BNC2: variants seen among roughly 807,000 people sequenced by gnomAD.
The protein encoded by BNC2 is basonuclin zinc finger protein 2.
Under a neutral mutation model 76.3 loss-of-function variants are expected in BNC2, and 20 were observed. The observed-to-expected ratio is 0.26, with a 90% CI of 0.18 to 0.38. The LOEUF is 0.38. Among genes scored for constraint, BNC2 ranks in the 10% least tolerant of loss-of-function variants. The pLI, the probability that BNC2 is intolerant of heterozygous loss-of-function variation, is 1.00. For synonymous variants in BNC2, 582 were observed against 514.8 expected (o/e 1.13, Z -1.77); for missense variants, 1,382 against 1,399.8 (o/e 0.99, Z 0.20).
intron 3 of BNC2, among the ~76,000 whole-genome samples, chr9:16,648,555 C>A (rs1231522317): frequency 6.6e-6 from 1 of 152,208 alleles, no homozygotes; most frequent in African/African-American, 2.4e-5. Flanking sequence ...AAGACAAACA[C>A]TATTCACTGT....
chr9:16,422,984 G>C (rs1330534838), intron 6 of BNC2, among the ~76,000 whole-genome samples: 1 of 152,150 alleles, frequency 6.6e-6, no homozygotes, highest in Non-Finnish European at 1.5e-5. Context: ...AGTTGGGAGA[G>C]ACACAGAAAG....
intron 6 of BNC2, among the ~76,000 whole-genome samples, chr9:16,432,487 A>G (rs563255250): frequency 7.2e-5 from 11 of 152,320 alleles, no homozygotes; most frequent in African/African-American, 2.4e-4. Flanking sequence ...CTCATGTATA[A>G]CCACTTTGGG....
chr9:16,792,352 A>C (rs10119731), intron 1 of BNC2, among the ~76,000 whole-genome samples: 17,787 of 152,206 alleles, frequency 0.12, 1,281 homozygotes, highest in Admixed American at 0.23. Context: ...TCCGTAAGTG[A>C]AGTTCTTCAA....
At chr9:16,448,898 CAT>C (rs530032589) in intron 5 of BNC2, among the ~76,000 whole-genome samples, 20 of 152,160 alleles carry the variant, frequency 1.3e-4, no homozygotes, top group Non-Finnish European at 2.4e-4. Flanking sequence ...CACACATACA[CAT>C]GTGTGTATAA....
intron 3 of BNC2, among the ~76,000 whole-genome samples, chr9:16,664,314 G>A (rs1057446623): frequency 1.3e-5 from 2 of 152,180 alleles, no homozygotes; most frequent in Non-Finnish European, 1.5e-5. Flanking sequence ...TCAGAGGCAT[G>A]CTAAATCTTC....
At chr9:16,819,016 A>T (rs1304390122) in intron 1 of BNC2, among the ~76,000 whole-genome samples, 2 of 152,208 alleles carry the variant, frequency 1.3e-5, no homozygotes, top group Non-Finnish European at 2.9e-5. Flanking sequence ...CCCCATCAGA[A>T]AATCAAACAA....
intron 2 of BNC2, among the ~76,000 whole-genome samples, chr9:16,729,734 T>A (rs928183960): frequency 1.3e-5 from 2 of 152,208 alleles, no homozygotes; most frequent in East Asian, 3.9e-4. Flanking sequence ...TTGTCAACAG[T>A]GACTGTACCT....
intron 1 of BNC2, among the ~76,000 whole-genome samples, chr9:16,771,373 G>A (rs937884822): frequency 6.6e-6 from 1 of 152,198 alleles, no homozygotes; most frequent in African/African-American, 2.4e-5. Flanking sequence ...AACAGATTGT[G>A]TAGGACAATG....
In BNC2 at chr9:16,412,778, T is replaced by C. The variant is rs1369254649; in HGVS notation, c.*6211A>G. On this transcript the variant is annotated 3_prime_UTR_variant, in exon 7 of 7. Coordinates refer to ENST00000380672, the MANE Select transcript of BNC2 (RefSeq NM_017637.6). ...GAGAGAGAGAGAGACTGACTGATTG[T>C]GGATGTGTGTGTACATCAGGGAACT... 1 of 143,452 alleles carries C rather than the reference T, an allele frequency of 7.0e-6. No homozygotes were observed. Among genetic ancestry groups the C allele is most frequent in the Non-Finnish European group, 1.6e-5 (1 of 63,046 alleles). The allele number at this position is 143,452 out of a possible 1,614,324, so 8.9% of individuals were successfully genotyped here.
chr9:16,552,076 A>C (rs1428842560), intron 5 of BNC2, among the ~76,000 whole-genome samples: 1 of 152,186 alleles, frequency 6.6e-6, no homozygotes, highest in African/African-American at 2.4e-5. Context: ...AATAAATAGT[A>C]AAATGTGTAC....
At chr9:16,700,712 C>T (rs750860678) in intron 3 of BNC2, among the ~76,000 whole-genome samples, 1 of 152,096 alleles carries the variant, frequency 6.6e-6, no homozygotes, top group East Asian at 1.9e-4. Context: ...GTAATCCCAG[C>T]CCTTTGGGAG....
chr9:16,858,284 C>T (rs1012918886), intron 1 of BNC2, among the ~76,000 whole-genome samples: 1 of 152,140 alleles, frequency 6.6e-6, no homozygotes, highest in Non-Finnish European at 1.5e-5. Flanking sequence ...TACGGAACAC[C>T]TAGAATGCTT....
intron 5 of BNC2, among the ~76,000 whole-genome samples, chr9:16,442,796 C>T (rs115929598): frequency 0.011 from 1,631 of 152,140 alleles, 27 homozygotes; most frequent in African/African-American, 0.037. Context: ...CCTATGTGCT[C>T]CAGTAGTCAA....
intron 1 of BNC2, among the ~76,000 whole-genome samples, chr9:16,861,340 C>T (rs1819406199): frequency 1.3e-5 from 2 of 151,688 alleles, no homozygotes; most frequent in Admixed American, 6.6e-5. Context: ...CACAACAGAA[C>T]TAGAAAGACC....
chr9:16,565,931 C>A (rs891252615), intron 4 of BNC2, among the ~76,000 whole-genome samples: 1 of 149,250 alleles, frequency 6.7e-6, no homozygotes, highest in African/African-American at 2.6e-5. Context: ...AAAGCCAATT[C>A]GGCCAGGACA....
chr9:16,826,510 C>T (rs1818457061), intron 1 of BNC2, among the ~76,000 whole-genome samples: 1 of 152,056 alleles, frequency 6.6e-6, no homozygotes, highest in Admixed American at 6.6e-5. Flanking sequence ...ACTCTTGCTG[C>T]TTGATTAAAT....
chr9:16,446,422 A>G (rs1418944628), intron 5 of BNC2, among the ~76,000 whole-genome samples: 1 of 152,136 alleles, frequency 6.6e-6, no homozygotes, highest in African/African-American at 2.4e-5. Context: ...ACTTTGAAGT[A>G]GTGGCTTTGA....
intron 5 of BNC2, among the ~76,000 whole-genome samples, chr9:16,444,978 A>G (rs960500770): frequency 6.6e-6 from 1 of 152,130 alleles, no homozygotes; most frequent in African/African-American, 2.4e-5. Context: ...TCTCTAATTT[A>G]TAAGACTTGG....
intron 1 of BNC2, among the ~76,000 whole-genome samples, chr9:16,774,629 T>C (rs10122827): frequency 0.1 from 15,295 of 152,294 alleles, 949 homozygotes; most frequent in Admixed American, 0.2. Context: ...ACTAAAAACA[T>C]ACAAGCATTT....
Sources: gnomAD v4.1 joint callset for allele counts (sites outside exome capture counted in the v4.1 genomes callset) on GRCh38, gnomAD v4.1.1 for gene constraint, MANE v1.5 for transcripts, NCBI Gene and HGNC (gene_info 2026-07-23, HGNC 2026-07-21) for gene names.